The following GDNF variants were observed in gnomAD, a reference collection of about 807,000 sequenced individuals.
The protein encoded by GDNF is glial cell line-derived neurotrophic factor.
Under a neutral mutation model 13.7 loss-of-function variants are expected in GDNF, and 5 were observed. The observed-to-expected ratio is 0.36, with a 90% CI of 0.19 to 0.77. The LOEUF (loss-of-function observed/expected upper bound fraction) is 0.77, where lower values mean the gene tolerates loss of function less well. Among genes scored for constraint, GDNF ranks in the 30% least tolerant of loss-of-function variants. The pLI is 0.51. For synonymous variants in GDNF, 122 were observed against 112.5 expected, an observed-to-expected ratio of 1.08 and a Z score of -0.53; for missense variants, 246 against 274.3, an observed-to-expected ratio of 0.90 and a Z score of 0.73.
intron 1 of GDNF, among the ~76,000 whole-genome samples, chr5:37,836,144 C>T (rs1750695827): frequency 1.3e-5 from 2 of 152,044 alleles, no homozygotes; most frequent in Admixed American, 1.3e-4. Flanking sequence ...TTCGTGCAGT[C>T]GATTATCCTA....
At chr5:37,827,680 A>G (rs1298007296) in intron 2 of GDNF, among the ~76,000 whole-genome samples, 1 of 152,224 alleles carries the variant, frequency 6.6e-6, no homozygotes, top group Non-Finnish European at 1.5e-5. Context: ...CATGGGGTGT[A>G]TATTAACATG....
intron 2 of GDNF, among the ~76,000 whole-genome samples, chr5:37,822,793 T>C (rs928009059): frequency 1.3e-5 from 2 of 152,226 alleles, no homozygotes; most frequent in Non-Finnish European, 2.9e-5. Context: ...CACATATACA[T>C]ACTTATATGA....
intron 2 of GDNF, among the ~76,000 whole-genome samples, 183 bp downstream of exon 2, chr5:37,834,463 A>G (rs1159356832): frequency 2.0e-5 from 3 of 152,218 alleles, no homozygotes; most frequent in African/African-American, 7.2e-5. Context: ...CTTTCAGGCC[A>G]GGCGTGCGGG....
rs1750794591 is a variant in GDNF at position 37,838,725 on chromosome 5, G to T, written c.-27+782C>A. 6.6e-6 allele frequency among the ~76,000 whole-genome samples: 1 copy of T among 152,266 alleles called. No homozygotes were observed. Among genetic ancestry groups the T allele is most frequent in the African/African-American group, 2.4e-5 (1 of 41,474 alleles). ...CCACCAGTGCGGAATTAGCCTCGAGGTGGTGTAAAGTAGTGGCAGTGGTGG... is the reference window on the plus strand; with the variant it reads ...CCACCAGTGCGGAATTAGCCTCGAGTTGGTGTAAAGTAGTGGCAGTGGTGG... On this transcript the variant is annotated intron_variant, in intron 1 of 2. Coordinates refer to ENST00000326524, the MANE Select transcript of GDNF (RefSeq NM_000514.4). This position sits in a 1 kb window ranked among gnomAD's most constrained non-coding sequence, Gnocchi z 4.1.
In GDNF at chr5:37,815,979, G is replaced by T; in HGVS notation, c.308C>A (p.Ser103Tyr). 6.2e-7 allele frequency: 1 copy of T among 1,614,026 alleles called. No homozygotes were observed. The highest frequency in any genetic ancestry group is 8.5e-7 in the Non-Finnish European group (1 of 1,179,942). ...RQAAAANPEN[S>Y]RGKGRRGQRG... The stretch of plus-strand genomic sequence containing the variant: ...CTGGCCTCTCCGACCTTTTCCTCTG[G>T]AATTCTCTGGGTTGGCAGCTGCAGC... The change falls in exon 3 of 3, where the codon TCC (serine) becomes TAC (tyrosine). Residue 103 changes from serine (S) to tyrosine (Y), a missense_variant. Coordinates refer to ENST00000326524, the MANE Select transcript of GDNF (RefSeq NM_000514.4). This position sits in a 1 kb window ranked among gnomAD's most constrained non-coding sequence, Gnocchi z 5.0.
intron 2 of GDNF, among the ~76,000 whole-genome samples, chr5:37,830,751 C>T (rs1750496609): frequency 6.6e-6 from 1 of 152,166 alleles, no homozygotes; most frequent in Admixed American, 6.5e-5. Flanking sequence ...ACCCATGAGA[C>T]AGATTTACTC....
intron 2 of GDNF, among the ~76,000 whole-genome samples, chr5:37,833,426 T>C (rs1182028453): frequency 6.6e-6 from 1 of 152,262 alleles, no homozygotes; most frequent in African/African-American, 2.4e-5. Flanking sequence ...GTTCCCTAAC[T>C]TCCTTTTGAA....
chr5:37,820,726 G>A (rs1434888865), intron 2 of GDNF, among the ~76,000 whole-genome samples: 2 of 152,144 alleles, frequency 1.3e-5, no homozygotes, highest in African/African-American at 4.8e-5. Context: ...CAATTTTGCT[G>A]TGAACCTAAA....
chr5:37,814,604 A>ACTT lies in GDNF; in HGVS notation c.*1044_*1046dup, dbSNP rs2111620645. On this transcript the variant is annotated 3_prime_UTR_variant, in exon 3 of 3. Transcript: ENST00000326524. The stretch of plus-strand genomic sequence containing the variant: ...TTCTTTGCATTTTGCGAGCACATAT[A>ACTT]CTTTGGCACCTTTGAAAAGAAACTT... 6.6e-6 allele frequency: 1 copy of ACTT among 152,356 alleles called. No individual in the cohort carries two copies. Among genetic ancestry groups the ACTT allele is most frequent in the Admixed American group, 6.5e-5 (1 of 15,302 alleles). 9.4% of individuals were successfully genotyped at this position (152,356 alleles called of 1,614,324 possible). A position where few individuals can be genotyped will look rare whatever the true frequency, so the allele number is the denominator to read the frequency against.
chr5:37,822,468 G>A (rs1413885031), intron 2 of GDNF, among the ~76,000 whole-genome samples: 1 of 152,192 alleles, frequency 6.6e-6, no homozygotes, highest in Non-Finnish European at 1.5e-5. Flanking sequence ...GCCAGATGGT[G>A]GGGCTCAGTT....
chr5:37,839,263 T>C lies in GDNF; in HGVS notation c.-27+244A>G, dbSNP rs1380726678. Among the ~76,000 whole-genome samples the C allele has an allele frequency of 1.3e-5, 2 of 152,142 alleles. No homozygotes were observed. Among genetic ancestry groups the C allele is most frequent in the Non-Finnish European group, 2.9e-5 (2 of 68,036 alleles). ...TTCCGGGTCCAGGCGCATCTGGGGC[T>C]CCACAGATCTTTGCCCACGTGGAAA... On this transcript the variant is annotated intron_variant, in intron 1 of 2. Coordinates refer to ENST00000326524, the MANE Select transcript of GDNF (RefSeq NM_000514.4). This position sits in a 1 kb window ranked among gnomAD's most constrained non-coding sequence, Gnocchi z 5.5.
chr5:37,818,755 T>C (rs1750018833), intron 2 of GDNF, among the ~76,000 whole-genome samples: 1 of 152,176 alleles, frequency 6.6e-6, no homozygotes, highest in Admixed American at 6.5e-5. Context: ...ATTTGCATTT[T>C]ACCTGCAATA....
At chr5:37,829,663 T>C (rs746149427) in intron 2 of GDNF, among the ~76,000 whole-genome samples, 20 of 152,188 alleles carry the variant, frequency 1.3e-4, no homozygotes, top group Non-Finnish European at 2.5e-4. Context: ...TAAACAAAGA[T>C]CAAAGAGATA....
Position 37,834,698 on chromosome 5 carries a change from G to C in GDNF, c.99C>G (p.Ala33=), listed in dbSNP as rs775646139. The C allele has an allele frequency of 3.1e-6, 5 of 1,609,586 alleles. No individual in the cohort carries two copies. The highest frequency in any genetic ancestry group is 1.3e-5 in the African/African-American group (1 of 74,730). Residue 33 remains alanine (A), a synonymous_variant, in exon 2 of 3, where the codon GCC becomes GCG. Coordinates refer to ENST00000326524, the MANE Select transcript of GDNF (RefSeq NM_000514.4). The part of the protein sequence containing the change: ...PAGKRPPEAP[A]EDRSLGRRRA... ...GGCGGCGGCCGAGGGAGCGGTCTTC[G>C]GCGGGCGCCTCGGGAGGCCTCTTAC...
chr5:37,835,336 G>T, intron 1 of GDNF: 3 of 726,034 alleles, frequency 4.1e-6, no homozygotes, highest in Non-Finnish European at 6.1e-6. Flanking sequence ...GCATTCCCCT[G>T]CCTCGGGTCC....
intron 2 of GDNF, among the ~76,000 whole-genome samples, chr5:37,819,321 C>T (rs112309960): frequency 3.3e-5 from 5 of 152,244 alleles, no homozygotes; most frequent in African/African-American, 1.2e-4. Flanking sequence ...ACCACCTTTC[C>T]TCCTCAGCTT....
In GDNF at chr5:37,815,515, TCCTCC is replaced by T; in HGVS notation, c.*131_*135del. On this transcript the variant is annotated 3_prime_UTR_variant, in exon 3 of 3. Coordinates refer to ENST00000326524, the MANE Select transcript of GDNF (RefSeq NM_000514.4). This position sits in a 1 kb window ranked among gnomAD's most constrained non-coding sequence, Gnocchi z 5.0. Reference sequence around the variant, plus strand: ...CTCCTCCTCCTCCTCCTCCTCCTCCTCCTCCTCTTCTTCTTCCTCCTCCTCCGCCT... The same window carrying T: ...CTCCTCCTCCTCCTCCTCCTCCTCCTTCTTCTTCTTCCTCCTCCTCCGCCT... 3 of 778,692 alleles carry T rather than the reference TCCTCC, an allele frequency of 3.9e-6. No homozygotes were observed. The highest frequency in any genetic ancestry group is 4.4e-6 in the Non-Finnish European group (2 of 454,406). The allele number at this position is 778,692 out of a possible 1,614,324, so 48.2% of individuals were successfully genotyped here.
At chr5:37,830,451 G>A (rs1252583002) in intron 2 of GDNF, among the ~76,000 whole-genome samples, 2 of 152,142 alleles carry the variant, frequency 1.3e-5, no homozygotes, top group Non-Finnish European at 2.9e-5. Context: ...GCTGACCCAG[G>A]GGCAGAATCC....
rs908435415 is a variant in GDNF at position 37,835,772 on chromosome 5, G to A, written c.-26-950C>T. ...CCCTTCCCCTCCCAGAGGAGTCACT[G>A]GCTCCCCGCGCCCCCGTCACGCCTG... On this transcript the variant is annotated intron_variant, in intron 1 of 2. Transcript: ENST00000326524. 5 of 883,522 alleles carry A rather than the reference G, an allele frequency of 5.7e-6. No homozygotes were observed. In the African/African-American group the frequency reaches 6.6e-5, roughly 12 times the overall value. The allele number at this position is 883,522 out of a possible 1,614,324, so 54.7% of individuals were successfully genotyped here.
Sources: gnomAD v4.1 joint callset for allele counts (sites outside exome capture counted in the v4.1 genomes callset) on GRCh38, gnomAD v4.1.1 for gene constraint, Gnocchi (gnomAD v3.1) non-coding constraint, MANE v1.5 for transcripts, NCBI Gene and HGNC (gene_info 2026-07-23, HGNC 2026-07-21) for gene names.